Variants in INTS13 observed in about 807,000 individuals in gnomAD.
The protein encoded by INTS13 is asunder, spermatogenesis regulator homolog (Drosphila).
In INTS13, 35 loss-of-function variants were observed where a neutral mutation model predicts 90.2. The observed-to-expected ratio is 0.39, with a 90% CI of 0.30 to 0.51. INTS13 has a LOEUF of 0.51. INTS13 is among the 20% of genes least tolerant of loss of function. The pLI is 0.80. For missense variants in INTS13, 601 were observed against 851.2 expected (o/e 0.71, Z 3.66); for synonymous variants, 309 against 277.1 (o/e 1.11, Z -1.14).
chr12:26,905,648 C>G (rs1951587588), intron 16 of INTS13, 112 bp from the exon 17 acceptor site: 1 of 1,067,114 alleles, frequency 9.4e-7, no homozygotes, highest in African/African-American at 1.6e-5. Flanking sequence ...AACAGAACAT[C>G]AGCATTTTAG....
intron 5 of INTS13, 49 bp from the exon 6 acceptor site, chr12:26,925,900 A>T (rs1283580982): frequency 7.4e-7 from 1 of 1,344,566 alleles, no homozygotes; most frequent in Admixed American, 1.7e-5. Flanking sequence ...TAGTATGTAA[A>T]GAATTCAAGC....
At position 26,912,165 on chromosome 12, in the gene INTS13, TG is replaced by T. The variant is rs1204261036; in HGVS notation, c.1806-849del. Among the ~76,000 whole-genome samples, 6 of 152,218 alleles carry T rather than the reference TG, an allele frequency of 3.9e-5. No individual in the cohort carries two copies. The East Asian group carries it at 1.2e-3, about 29-fold the overall frequency. The stretch of plus-strand genomic sequence containing the variant: ...AAGATGTGTTTTTCGTCAGTCGCAG[TG>T]GCTCATGCCTGTAATCCCAAGCACT... On this transcript the variant is annotated intron_variant, in intron 14 of 16. Coordinates refer to ENST00000261191, the MANE Select transcript of INTS13 (RefSeq NM_018164.3).
chr12:26,936,913 G>A, intron 1 of INTS13, 99 bp from the exon 2 acceptor site: 1 of 768,638 alleles, frequency 1.3e-6, no homozygotes, highest in East Asian at 2.7e-5. Context: ...AGAAGACTTG[G>A]TAGGGAACAT....
At chr12:26,910,138 T>C (rs190326215) in intron 15 of INTS13, among the ~76,000 whole-genome samples, 28 of 152,314 alleles carry the variant, frequency 1.8e-4, no homozygotes, top group Non-Finnish European at 1.5e-5. Context: ...GAAAATATTG[T>C]TTATAATAAT....
chr12:26,933,247 C>T (rs1029092396), intron 3 of INTS13, among the ~76,000 whole-genome samples: 2 of 152,032 alleles, frequency 1.3e-5, no homozygotes, highest in African/African-American at 4.8e-5. Context: ...GGTCTAACAT[C>T]CCAGGAATGG....
At chr12:26,927,625 A>T (rs1395463881) in intron 5 of INTS13, among the ~76,000 whole-genome samples, 1 of 151,938 alleles carries the variant, frequency 6.6e-6, no homozygotes, top group African/African-American at 2.4e-5. Flanking sequence ...ATTAAATTAA[A>T]TTTTTTTTGA....
intron 15 of INTS13, among the ~76,000 whole-genome samples, chr12:26,907,129 TATG>T (rs1255902601): frequency 2.6e-5 from 4 of 152,168 alleles, no homozygotes; most frequent in African/African-American, 7.2e-5. Context: ...TCCTGCACAA[TATG>T]ATAAGGCAAA....
In INTS13 at chr12:26,909,324, G is replaced by A. The variant is rs1269004025; in HGVS notation, c.1945+1854C>T. ...TGCACTGGGCTGAGATCGTGCCATT[G>A]CACTCCACCCTGGGCAACAAGAGTG... On this transcript the variant is annotated intron_variant, in intron 15 of 16. Coordinates refer to ENST00000261191, the MANE Select transcript of INTS13 (RefSeq NM_018164.3). 2.0e-5 allele frequency among the ~76,000 whole-genome samples: 3 copies of A among 152,140 alleles called. No individual in the cohort carries two copies. The South Asian group carries it at 6.2e-4, about 31-fold the overall frequency.
chr12:26,910,228 A>C (rs1031159999), intron 15 of INTS13, among the ~76,000 whole-genome samples: 5 of 152,218 alleles, frequency 3.3e-5, no homozygotes, highest in African/African-American at 9.6e-5. Context: ...GTAAGAGTTT[A>C]GGGTCAAAAG....
At chr12:26,924,729 A>C (rs988046632) in intron 6 of INTS13, among the ~76,000 whole-genome samples, 4 of 152,242 alleles carry the variant, frequency 2.6e-5, no homozygotes, top group Admixed American at 6.5e-5. Context: ...AGAACACAGC[A>C]GTGAACAGAC....
intron 3 of INTS13, among the ~76,000 whole-genome samples, chr12:26,929,422 G>T (rs1157019902): frequency 6.6e-6 from 1 of 152,008 alleles, no homozygotes; most frequent in Non-Finnish European, 1.5e-5. Flanking sequence ...GAAAGAAAAA[G>T]AAATAAAAGA....
At chr12:26,931,197 C>T (rs375786040) in intron 3 of INTS13, among the ~76,000 whole-genome samples, 1 of 150,252 alleles carries the variant, frequency 6.7e-6, no homozygotes, top group Non-Finnish European at 1.5e-5. Context: ...AATCCCAGCC[C>T]TTTGGGAGGC....
chr12:26,917,531 A>T, intron 9 of INTS13, 90 bp from the exon 10 acceptor site: 1 of 1,229,552 alleles, frequency 8.1e-7, no homozygotes, highest in Non-Finnish European at 1.2e-6. Context: ...CACTGAGTTC[A>T]TTGAGTCCTG....
At chr12:26,934,999 C>G (rs1045816385) in intron 2 of INTS13, among the ~76,000 whole-genome samples, 2 of 152,190 alleles carry the variant, frequency 1.3e-5, no homozygotes, top group African/African-American at 4.8e-5. Context: ...GAAGGACTCT[C>G]CATAGAAGTG....
At chr12:26,906,587 C>A in intron 15 of INTS13, 150 bp from the exon 16 acceptor site, 1 of 784,310 alleles carries the variant, frequency 1.3e-6, no homozygotes, top group South Asian at 1.8e-5. Context: ...ACGATTAAGG[C>A]AATCATTTTC....
At chr12:26,921,709 G>A (rs1160873560) in intron 8 of INTS13, among the ~76,000 whole-genome samples, 3 of 152,222 alleles carry the variant, frequency 2.0e-5, no homozygotes, top group Non-Finnish European at 2.9e-5. Context: ...AGGTTGGGGT[G>A]TAGTGGCATG....
At chr12:26,937,340 C>T (rs1196711589) in intron 1 of INTS13, among the ~76,000 whole-genome samples, 3 of 152,096 alleles carry the variant, frequency 2.0e-5, no homozygotes, top group Non-Finnish European at 4.4e-5. Flanking sequence ...AGATAAACAT[C>T]TCCTAAGATA....
At chr12:26,916,469 T>C (rs1411382345) in intron 10 of INTS13, among the ~76,000 whole-genome samples, 1 of 152,174 alleles carries the variant, frequency 6.6e-6, no homozygotes. Context: ...ATGTACATAT[T>C]GAATTTTTCT....
Position 26,925,755 on chromosome 12 carries a change from A to G in INTS13, c.675+6T>C, listed in dbSNP as rs777491734. On this transcript the variant is annotated splice_donor_region_variant and intron_variant, in intron 6 of 16. Transcript: ENST00000261191. Reference sequence around the variant, plus strand: ...TAGTCTTTTCTTTCATTATTTCAACACTCACCTCTTTTTTAGAACGATCAG... The same window carrying G: ...TAGTCTTTTCTTTCATTATTTCAACGCTCACCTCTTTTTTAGAACGATCAG... 22 of 1,598,814 alleles carry G rather than the reference A, an allele frequency of 1.4e-5. No homozygotes were observed. Among genetic ancestry groups the G allele is most frequent in the Non-Finnish European group, 1.6e-5 (19 of 1,167,990 alleles).
Sources: allele counts gnomAD v4.1 joint callset (sites outside exome capture counted in the v4.1 genomes callset), GRCh38; gene constraint gnomAD v4.1.1; transcripts MANE v1.5; gene names NCBI Gene and HGNC (gene_info 2026-07-23, HGNC 2026-07-21).